Variants in BLK observed in about 807,000 individuals in gnomAD.
BLK encodes the protein BLK proto-oncogene, Src family tyrosine kinase.
A neutral mutation model predicts 61.8 loss-of-function variants in BLK; 64 were observed. That is an observed-to-expected ratio of 1.03 (90% CI 0.85 to 1.27). BLK has a LOEUF of 1.27. Among genes scored for constraint, BLK ranks in the 50% most tolerant of loss-of-function variants. BLK has a pLI of 0.00. For synonymous variants in BLK, 351 were observed against 272.0 expected (o/e 1.29, Z -2.86); for missense variants, 853 against 660.5 (o/e 1.29, Z -3.19).
rs754530814 is a variant in BLK at position 11,548,063 on chromosome 8, C to T, written c.207C>T (p.Tyr69=). The change falls in exon 4 of 13, where the codon TAC becomes TAT. Residue 69 remains tyrosine (Y), a synonymous_variant. Transcript: ENST00000259089. ...DKHFVVALYD[Y]TAMNDRDLQM... is the part of the protein sequence containing the mutation. The stretch of plus-strand genomic sequence containing the variant: ...ATTTCGTGGTGGCTCTGTATGACTA[C>T]ACCGCTATGAATGATCGGGACCTGC... 42 of 1,614,080 alleles carry T rather than the reference C, an allele frequency of 2.6e-5. No homozygotes were observed. Among genetic ancestry groups the T allele is most frequent in the East Asian group, 6.7e-5 (3 of 44,880 alleles).
At chr8:11,500,619 A>G (rs1798520582) in intron 1 of BLK, among the ~76,000 whole-genome samples, 1 of 151,132 alleles carries the variant, frequency 6.6e-6, no homozygotes, top group African/African-American at 2.4e-5. Flanking sequence ...CAGCTCAGGC[A>G]ATCCTCCCAC....
At chr8:11,509,892 G>A (rs916979904) in intron 1 of BLK, 3 of 152,086 alleles carry the variant, frequency 2.0e-5, no homozygotes, top group African/African-American at 7.2e-5. Context: ...TAAAGACATA[G>A]CACCTTAGAT....
chr8:11,531,411 G>A (rs559327490), intron 1 of BLK, among the ~76,000 whole-genome samples: 1 of 152,216 alleles, frequency 6.6e-6, no homozygotes, highest in African/African-American at 2.4e-5. Flanking sequence ...GTATGCTTCT[G>A]ACTCATATTC....
At chr8:11,530,554 C>T (rs1034403605) in intron 1 of BLK, among the ~76,000 whole-genome samples, 1 of 152,166 alleles carries the variant, frequency 6.6e-6, no homozygotes, top group African/African-American at 2.4e-5. Context: ...AACTATATTG[C>T]CTTATGTTAA....
chr8:11,545,950 T>C, intron 2 of BLK, 102 bp from the exon 3 acceptor site: 1 of 1,226,162 alleles, frequency 8.2e-7, no homozygotes, highest in Non-Finnish European at 1.2e-6. Context: ...CTTCAGTAGG[T>C]CCCTGGAGAT....
chr8:11,550,997 T>A (rs1337324224), intron 6 of BLK, among the ~76,000 whole-genome samples: 1 of 152,120 alleles, frequency 6.6e-6, no homozygotes, highest in Admixed American at 6.5e-5. Context: ...CTCCCCCACT[T>A]GGGCTCCTTC....
At chr8:11,519,218 T>A (rs538333124) in intron 1 of BLK, among the ~76,000 whole-genome samples, 1 of 152,152 alleles carries the variant, frequency 6.6e-6, no homozygotes, top group Non-Finnish European at 1.5e-5. Flanking sequence ...AAGGAAGGAA[T>A]CAGACCCTCT....
chr8:11,549,110 T>C lies in BLK; in HGVS notation c.356T>C (p.Leu119Pro), dbSNP rs752992802. ...AACTTTGTGGCCCGAGTGGAGAGCCTGGAAATGGAAAGGTAGGTGGGCACG... is the reference window on the plus strand; with the variant it reads ...AACTTTGTGGCCCGAGTGGAGAGCCCGGAAATGGAAAGGTAGGTGGGCACG... ...PSNFVARVESLEMERWFFRSQ... is the reference protein window; with the variant it reads ...PSNFVARVESPEMERWFFRSQ... Residue 119 changes from leucine to proline, a missense_variant, in exon 5 of 13, where the codon CTG (leucine) becomes CCG (proline). Coordinates refer to ENST00000259089, the MANE Select transcript of BLK (RefSeq NM_001715.3). 2.9e-5 allele frequency: 46 copies of C among 1,606,124 alleles called. No homozygotes were observed. Among genetic ancestry groups the C allele is most frequent in the Non-Finnish European group, 3.8e-5 (45 of 1,176,468 alleles).
chr8:11,516,600 C>T (rs1269096585), intron 1 of BLK, among the ~76,000 whole-genome samples: 1 of 152,218 alleles, frequency 6.6e-6, no homozygotes, highest in African/African-American at 2.4e-5. Flanking sequence ...ACCCAGCCCC[C>T]AGCCCCTGAC....
Position 11,549,225 on chromosome 8 carries a change from C to T in BLK, c.368+103C>T, listed in dbSNP as rs1800796088. On this transcript the variant is annotated intron_variant, in intron 5 of 12. Coordinates refer to ENST00000259089, the MANE Select transcript of BLK (RefSeq NM_001715.3). ...GCCAGAGTGGGACTGACCAGGGAGC[C>T]TGCAGGCACTAGCAAAGAGGGGACA... is the stretch of plus-strand genomic sequence containing the variant. The T allele has an allele frequency of 1.5e-5, 15 of 1,029,510 alleles. No homozygotes were observed. In the South Asian group the frequency reaches 2.0e-4, roughly 14 times the overall value. The allele number at this position is 1,029,510 out of a possible 1,614,324, so 63.8% of individuals were successfully genotyped here.
chr8:11,525,767 CAG>C (rs1799630044), intron 1 of BLK, among the ~76,000 whole-genome samples: 1 of 152,108 alleles, frequency 6.6e-6, no homozygotes, highest in African/African-American at 2.4e-5. Flanking sequence ...TTCTCTGAGA[CAG>C]AGTCTCATTC....
chr8:11,508,159 A>G (rs1242046512), intron 1 of BLK, among the ~76,000 whole-genome samples: 1 of 152,222 alleles, frequency 6.6e-6, no homozygotes, highest in Non-Finnish European at 1.5e-5. Context: ...CCCCAAAGCC[A>G]GTGCTCTGAA....
chr8:11,535,277 A>AAAG (rs1392843171), intron 1 of BLK, among the ~76,000 whole-genome samples: 3 of 137,242 alleles, frequency 2.2e-5, no homozygotes, highest in Non-Finnish European at 4.8e-5. Context: ...AGAAAGAAAG[A>AAAG]AAGAAAGAAA....
At chr8:11,514,450 C>T (rs1357344366) in intron 1 of BLK, among the ~76,000 whole-genome samples, 1 of 152,258 alleles carries the variant, frequency 6.6e-6, no homozygotes, top group Non-Finnish European at 1.5e-5. Flanking sequence ...TGAGGCCCAG[C>T]AGGCCATCCC....
intron 1 of BLK, among the ~76,000 whole-genome samples, chr8:11,537,990 C>A (rs1334542013): frequency 2.6e-5 from 4 of 152,142 alleles, no homozygotes; most frequent in Admixed American, 1.3e-4. Context: ...TTCCCCTCCT[C>A]TTGCTGACTC....
chr8:11,549,466 C>T (rs887633899), intron 5 of BLK, among the ~76,000 whole-genome samples: 1 of 152,242 alleles, frequency 6.6e-6, no homozygotes, highest in Non-Finnish European at 1.5e-5. Context: ...ATGGGCAGGA[C>T]TCAGGGCTCA....
chr8:11,500,902 A>C (rs1481324444), intron 1 of BLK, among the ~76,000 whole-genome samples: 1 of 152,172 alleles, frequency 6.6e-6, no homozygotes, highest in Non-Finnish European at 1.5e-5. Flanking sequence ...ATTTTTACAT[A>C]AAGTTAAATA....
intron 1 of BLK, among the ~76,000 whole-genome samples, chr8:11,526,863 A>C (rs1799675275): frequency 6.6e-6 from 1 of 152,264 alleles, no homozygotes; most frequent in African/African-American, 2.4e-5. Flanking sequence ...CTGTAGAATT[A>C]AGTGGGATAA....
chr8:11,555,167 G>A (rs562136196), intron 7 of BLK, among the ~76,000 whole-genome samples, 165 bp from the exon 8 acceptor site: 5 of 152,232 alleles, frequency 3.3e-5, no homozygotes, highest in East Asian at 3.9e-4. Flanking sequence ...TTGCGCAAAC[G>A]AAGAGAAAGA....
Sources: gnomAD v4.1 joint callset for allele counts (sites outside exome capture counted in the v4.1 genomes callset) on GRCh38, gnomAD v4.1.1 for gene constraint, MANE v1.5 for transcripts, NCBI Gene and HGNC (gene_info 2026-07-23, HGNC 2026-07-21) for gene names.